CCDC7: variants seen among roughly 807,000 people sequenced by gnomAD.
CCDC7 encodes the protein coiled-coil domain-containing protein 7.
In CCDC7, 183 loss-of-function variants were observed where a neutral mutation model predicts 196.9. The observed-to-expected ratio is 0.93, with a 90% CI of 0.82 to 1.05. The LOEUF (loss-of-function observed/expected upper bound fraction) is 1.05, where lower values mean the gene tolerates loss of function less well. CCDC7 is among the 50% of genes least tolerant of loss of function. The pLI, the probability that CCDC7 is intolerant of heterozygous loss-of-function variation, is 0.00. For synonymous variants in CCDC7, 525 were observed against 484.6 expected (o/e 1.08, Z -1.10); for missense variants, 1,540 against 1,482.2 (o/e 1.04, Z -0.64).
rs1224624688 is a variant in CCDC7, at chr10:32,675,317, C to T, written c.2123-10653C>T. Among the ~76,000 whole-genome samples the T allele has an allele frequency of 2.0e-4, 14 of 69,004 alleles. No individual in the cohort carries two copies. In the South Asian group the frequency reaches 2.7e-3, roughly 13 times the overall value. 45.3% of individuals were successfully genotyped at this position (69,004 alleles called of 152,430 possible). A position where few individuals can be genotyped will look rare whatever the true frequency, so the allele number is the denominator to read the frequency against. On this transcript the variant is annotated intron_variant, in intron 21 of 41. Coordinates refer to ENST00000639629, the Ensembl canonical transcript of CCDC7. ...TACCATAAAGTTAAAATTACAGTTA[C>T]GATTACCATAAAGTTAAAATGGTCT...
At chr10:32,533,371 A>C (rs1161886059) in intron 11 of CCDC7, among the ~76,000 whole-genome samples, 1 of 151,816 alleles carries the variant, frequency 6.6e-6, no homozygotes, top group Non-Finnish European at 1.5e-5. Context: ...TTGCTGTAAT[A>C]TTTTTATTTT....
chr10:32,508,140 C>T (rs987404978), intron 9 of CCDC7, among the ~76,000 whole-genome samples: 2 of 152,018 alleles, frequency 1.3e-5, no homozygotes, highest in Non-Finnish European at 2.9e-5. Context: ...AGGATGCTTC[C>T]CCCACCCCCA....
At chr10:32,643,481 C>A (rs1039574325) in intron 20 of CCDC7, among the ~76,000 whole-genome samples, 6 of 151,614 alleles carry the variant, frequency 4.0e-5, no homozygotes, top group African/African-American at 1.2e-4. Context: ...ATTCATAGAA[C>A]GTTTCAATGT....
chr10:32,592,953 TG>T lies in CCDC7; in HGVS notation c.1801+8651del, dbSNP rs559532654. On this transcript the variant is annotated intron_variant, in intron 18 of 41. Transcript: ENST00000639629. ...TTTTCTTAATCCAGTCTGTCATTGA[TG>T]GACATTTGGTTGGTTCCAAGTCTTT... Among the ~76,000 whole-genome samples, 1,204 of 150,830 alleles carry T rather than the reference TG, an allele frequency of 8.0e-3. 7 individuals are homozygous for T. Among genetic ancestry groups the T allele is most frequent in the Middle Eastern group, 0.02 (6 of 294 alleles).
chr10:32,699,027 A>G (rs1340277395), intron 24 of CCDC7, among the ~76,000 whole-genome samples: 1 of 152,052 alleles, frequency 6.6e-6, no homozygotes, highest in Non-Finnish European at 1.5e-5. Context: ...TGTACAAGCC[A>G]GAAGAGAGTG....
chr10:32,683,408 G>C (rs1251609563), intron 21 of CCDC7, among the ~76,000 whole-genome samples: 1 of 152,188 alleles, frequency 6.6e-6, no homozygotes, highest in Admixed American at 6.5e-5. Flanking sequence ...TTGTAGAGTA[G>C]TTTGAAATTC....
chr10:32,867,738 A>T (rs1057333581), intron 41 of CCDC7, among the ~76,000 whole-genome samples: 3 of 151,806 alleles, frequency 2.0e-5, no homozygotes, highest in East Asian at 1.9e-4. Context: ...GTTTATTTTT[A>T]AAATTATTTT....
At chr10:32,803,415 G>T (rs1458694203) in intron 29 of CCDC7, among the ~76,000 whole-genome samples, 2 of 151,924 alleles carry the variant, frequency 1.3e-5, no homozygotes, top group Non-Finnish European at 2.9e-5. Flanking sequence ...TTTAGAACTG[G>T]GTTCTCTAGG....
chr10:32,665,122 G>A (rs561125782), intron 21 of CCDC7, among the ~76,000 whole-genome samples: 12 of 151,962 alleles, frequency 7.9e-5, no homozygotes, highest in African/African-American at 2.9e-4. Context: ...TTAGAGAAAT[G>A]TCTATTCAGA....
chr10:32,678,894 A>G (rs1236402809), intron 21 of CCDC7, among the ~76,000 whole-genome samples: 3 of 152,106 alleles, frequency 2.0e-5, no homozygotes. Context: ...TCATAAAGGT[A>G]ATTTTATCCT....
chr10:32,453,103 A>C (rs1009543325), intron 1 of CCDC7, among the ~76,000 whole-genome samples: 2 of 152,178 alleles, frequency 1.3e-5, no homozygotes, highest in African/African-American at 4.8e-5. Context: ...CTATCAACAC[A>C]GAAATGGTAG....
intron 9 of CCDC7, among the ~76,000 whole-genome samples, chr10:32,514,816 A>G (rs1201639894): frequency 5.3e-5 from 8 of 152,138 alleles, no homozygotes; most frequent in African/African-American, 1.9e-4. Context: ...AGACTGTTAA[A>G]CTTAATATTT....
intron 29 of CCDC7, among the ~76,000 whole-genome samples, chr10:32,788,367 C>T (rs982089139): frequency 3.3e-5 from 5 of 152,190 alleles, no homozygotes; most frequent in Non-Finnish European, 1.5e-5. Context: ...AAGCTTTATT[C>T]CTGAGTTCAG....
chr10:32,845,855 A>G (rs1273654169), intron 35 of CCDC7, 21 bp from the exon 37 acceptor site: 1 of 1,551,886 alleles, frequency 6.4e-7, no homozygotes, highest in South Asian at 1.1e-5. Context: ...AAATATATTG[A>G]AATCTGTTTT....
intron 18 of CCDC7, among the ~76,000 whole-genome samples, chr10:32,590,765 TAA>T (rs2059709556): frequency 6.6e-6 from 1 of 152,128 alleles, no homozygotes. Context: ...TATTCTAGGG[TAA>T]AAGTCTTTTT....
intron 24 of CCDC7, among the ~76,000 whole-genome samples, chr10:32,710,708 C>G (rs1403904602): frequency 6.6e-6 from 1 of 152,224 alleles, no homozygotes; most frequent in Non-Finnish European, 1.5e-5. Flanking sequence ...GGTCTCAACT[C>G]TAGCATCTCC....
At chr10:32,645,367 G>A (rs2067573787) in intron 20 of CCDC7, among the ~76,000 whole-genome samples, 1 of 152,072 alleles carries the variant, frequency 6.6e-6, no homozygotes, top group Non-Finnish European at 1.5e-5. Context: ...TCCCTGATAT[G>A]AATCCCACTC....
intron 5 of CCDC7, among the ~76,000 whole-genome samples, chr10:32,463,497 C>T (rs1441928510): frequency 2.0e-5 from 3 of 152,118 alleles, no homozygotes; most frequent in African/African-American, 7.2e-5. Flanking sequence ...TTGATTCAGG[C>T]ACTTTGCCAT....
intron 25 of CCDC7, among the ~76,000 whole-genome samples, chr10:32,714,803 C>T (rs987808977): frequency 6.6e-6 from 1 of 152,164 alleles, no homozygotes; most frequent in African/African-American, 2.4e-5. Context: ...GGTGCAGAAC[C>T]CACCACGGCG....
Sources: gnomAD v4.1 joint callset for allele counts (sites outside exome capture counted in the v4.1 genomes callset) on GRCh38, gnomAD v4.1.1 for gene constraint, MANE v1.5 for transcripts, NCBI Gene and HGNC (gene_info 2026-07-23, HGNC 2026-07-21) for gene names.